EPB41L4B: variants seen among roughly 807,000 people sequenced by gnomAD.
EPB41L4B encodes erythrocyte membrane protein band 4.1 like 4B.
Under a neutral mutation model 112.5 loss-of-function variants are expected in EPB41L4B, and 30 were observed. The ratio of observed to expected loss-of-function variants is 0.27; its 90% CI spans 0.20 to 0.36. The LOEUF (loss-of-function observed/expected upper bound fraction) is 0.36, where lower values mean the gene tolerates loss of function less well. Among genes scored for constraint, EPB41L4B ranks in the 10% least tolerant of loss-of-function variants. EPB41L4B has a pLI of 1.00. For synonymous variants in EPB41L4B, 408 were observed against 439.7 expected (o/e 0.93, Z 0.90); for missense variants, 1,024 against 1,133.3 (o/e 0.90, Z 1.38).
At position 109,296,845 on chromosome 9, in the gene EPB41L4B, C is replaced by T. The variant is rs1057396253; in HGVS notation, c.307-16924G>A. Among the ~76,000 whole-genome samples the T allele has an allele frequency of 4.1e-5, 6 of 144,900 alleles. No individual in the cohort carries two copies. In the Admixed American group the frequency reaches 4.2e-4, roughly 10 times the overall value. On this transcript the variant is annotated intron_variant, in intron 1 of 25. Coordinates refer to ENST00000374566, the MANE Select transcript of EPB41L4B (RefSeq NM_019114.5). ...TTGAGGCTGCAGTAAGCTATGATCA[C>T]ACCACTGCAGAACGAGGCCATGTCT...
At chr9:109,185,645 C>A in intron 22 of EPB41L4B, 40 bp from the exon 23 acceptor site, 1 of 1,485,590 alleles carries the variant, frequency 6.7e-7, no homozygotes, top group Non-Finnish European at 9.2e-7. Flanking sequence ...GAGGAGGTGG[C>A]AAGAGAAGGG....
chr9:109,181,832 G>A (rs1390301927), intron 24 of EPB41L4B, among the ~76,000 whole-genome samples: 3 of 152,070 alleles, frequency 2.0e-5, no homozygotes, highest in East Asian at 1.9e-4. Context: ...TAGCCAAAAG[G>A]TGAAAACAAT....
rs1166129076 is a variant in EPB41L4B, at chr9:109,188,963, G to A, written c.2301+3315C>T. Among the ~76,000 whole-genome samples, 6 of 152,264 alleles carry A rather than the reference G, an allele frequency of 3.9e-5. No individual in the cohort carries two copies. In the East Asian group the frequency reaches 7.7e-4, roughly 20 times the overall value. ...GCTAGCACGGTAGACTTGGAGTAGCGTGCAGGACTCCGCATTCTAGGGTGA... is the reference window on the plus strand; with the variant it reads ...GCTAGCACGGTAGACTTGGAGTAGCATGCAGGACTCCGCATTCTAGGGTGA... On this transcript the variant is annotated intron_variant, in intron 22 of 25. Transcript: ENST00000374566.
chr9:109,174,585 ATCT>A lies in EPB41L4B; in HGVS notation c.2669_2671del (p.Lys890del), dbSNP rs775265360. ...TTCGGTCATCAACAGTCTTTTCATCATCTTCTCTCTCTCCAGTTCCTGCCGGAG... is the reference window on the plus strand; with the variant it reads ...TTCGGTCATCAACAGTCTTTTCATCATCTCTCTCTCCAGTTCCTGCCGGAG... On this transcript the variant is annotated inframe_deletion, in exon 26 of 26. Transcript: ENST00000374566. The A allele has an allele frequency of 6.2e-7, 1 of 1,614,130 alleles. No homozygotes were observed. Among genetic ancestry groups the A allele is most frequent in the South Asian group, 1.1e-5 (1 of 91,072 alleles).
intron 24 of EPB41L4B, 75 bp from the exon 25 acceptor site, chr9:109,176,771 C>G: frequency 1.3e-6 from 2 of 1,525,486 alleles, no homozygotes; most frequent in Non-Finnish European, 1.8e-6. Flanking sequence ...GCTCCCTAAG[C>G]CTTACTCTAC....
chr9:109,226,625 TATATGAAGAATATATATATATATGAAGA>T (rs1833768564), intron 15 of EPB41L4B, among the ~76,000 whole-genome samples: 1 of 109,830 alleles, frequency 9.1e-6, no homozygotes, highest in African/African-American at 3.6e-5. Context: ...TATATATATA[TATATGAAGAATATATATATATATGAAGA>T]ATATATATAT....
chr9:109,285,825 T>C (rs1836253184), intron 1 of EPB41L4B, among the ~76,000 whole-genome samples: 1 of 152,146 alleles, frequency 6.6e-6, no homozygotes, highest in Admixed American at 6.5e-5. Flanking sequence ...CAAACTGTCA[T>C]TTCAGGCTTA....
At chr9:109,289,088 T>TA (rs1177615148) in intron 1 of EPB41L4B, among the ~76,000 whole-genome samples, 1 of 152,108 alleles carries the variant, frequency 6.6e-6, no homozygotes, top group East Asian at 1.9e-4. Flanking sequence ...GCCCTTGTCT[T>TA]AGTCACTTCT....
intron 15 of EPB41L4B, among the ~76,000 whole-genome samples, chr9:109,219,512 C>T (rs1347567990): frequency 6.6e-6 from 1 of 152,104 alleles, no homozygotes; most frequent in Non-Finnish European, 1.5e-5. Context: ...ATGCACCTGC[C>T]ACCACTCCTG....
At position 109,267,526 on chromosome 9, in the gene EPB41L4B, A is replaced by T. The variant is rs1835452165; in HGVS notation, c.480T>A (p.Phe160Leu). Residue 160 changes from phenylalanine (F) to leucine (L), a missense_variant, in exon 4 of 26, where the codon TTT (phenylalanine) becomes TTA (leucine). Physicochemically the swap from Phe to Leu is conservative, Grantham distance 22. Coordinates refer to ENST00000374566, the MANE Select transcript of EPB41L4B (RefSeq NM_019114.5). The part of the protein sequence containing the change: ...MKIGPAYALH[F>L]RVKYYSSEPN... ...GTTCTGAAGAATAGTATTTAACTCG[A>T]AAGTGTAAAGCATAAGCAGGTCCAA... The T allele has an allele frequency of 1.9e-6, 3 of 1,613,252 alleles. No homozygotes were observed. The African/African-American group carries it at 4.0e-5, about 22-fold the overall frequency.
At chr9:109,309,965 T>A (rs1160962000) in intron 1 of EPB41L4B, among the ~76,000 whole-genome samples, 1 of 152,108 alleles carries the variant, frequency 6.6e-6, no homozygotes, top group East Asian at 1.9e-4. Flanking sequence ...TGGAAAACAA[T>A]TTTGTATGAT....
chr9:109,218,461 AC>A (rs1833464483), intron 15 of EPB41L4B, among the ~76,000 whole-genome samples: 1 of 151,852 alleles, frequency 6.6e-6, no homozygotes, highest in African/African-American at 2.4e-5. Context: ...TAAGACAGAA[AC>A]CCCTTTGAAA....
intron 2 of EPB41L4B, among the ~76,000 whole-genome samples, chr9:109,271,490 C>T (rs187575245): frequency 6.6e-6 from 1 of 152,324 alleles, no homozygotes; most frequent in East Asian, 1.9e-4. Context: ...TCAAAATGAT[C>T]TGACTTTCTT....
chr9:109,312,986 A>G (rs1588240786), intron 1 of EPB41L4B, among the ~76,000 whole-genome samples: 1 of 152,128 alleles, frequency 6.6e-6, no homozygotes, highest in East Asian at 1.9e-4. Context: ...CACACGTGTA[A>G]TCCCAGAGCT....
rs1477062602 is a variant in EPB41L4B, at chr9:109,217,070, C to A, written c.1485G>T (p.Pro495=). ...PFGIEENGGT[P]FLTAASGRHH... is the part of the protein sequence containing the mutation. ...GCCTTCCTGAAGCTGCGGTGAGGAACGGTGTGCCCCCATTCTCCTCAATGC... is the reference window on the plus strand; with the variant it reads ...GCCTTCCTGAAGCTGCGGTGAGGAAAGGTGTGCCCCCATTCTCCTCAATGC... Residue 495 remains proline (P), a synonymous_variant, in exon 16 of 26, where the codon CCG becomes CCT. Transcript: ENST00000374566. 6.2e-7 allele frequency: 1 copy of A among 1,614,176 alleles called. No homozygotes were observed.
chr9:109,243,650 C>A lies in EPB41L4B; in HGVS notation c.1377G>T (p.Gln459His). Reference sequence around the variant, plus strand: ...TTGGAGAGTGAGGATGCCACCGGGGCTGGCTGGGATGGATATTAGGATGAT... The same window carrying A: ...TTGGAGAGTGAGGATGCCACCGGGGATGGCTGGGATGGATATTAGGATGAT... ...PQYHPNIHPS[Q>H]PRWHPHSPNV... The change falls in exon 15 of 26, where the codon CAG (glutamine) becomes CAT (histidine). Residue 459 changes from glutamine (Q) to histidine (H), a missense_variant. By Grantham distance (24) the Gln-to-His change is conservative (BLOSUM62 0). Coordinates refer to ENST00000374566, the MANE Select transcript of EPB41L4B (RefSeq NM_019114.5). The A allele has an allele frequency of 1.2e-6, 2 of 1,614,198 alleles. No individual in the cohort carries two copies. The highest frequency in any genetic ancestry group is 1.1e-5 in the South Asian group (1 of 91,076).
chr9:109,261,526 T>C (rs927310167), intron 6 of EPB41L4B, among the ~76,000 whole-genome samples: 2 of 152,084 alleles, frequency 1.3e-5, no homozygotes, highest in East Asian at 1.9e-4. Flanking sequence ...GACTGAAGAA[T>C]AGAAGTTTCA....
At chr9:109,258,888 G>A (rs1161439132) in intron 6 of EPB41L4B, among the ~76,000 whole-genome samples, 1 of 152,066 alleles carries the variant, frequency 6.6e-6, no homozygotes, top group Non-Finnish European at 1.5e-5. Context: ...AAAGGAGGGA[G>A]GAGCAGCCAC....
chr9:109,296,250 A>C (rs1355332664), intron 1 of EPB41L4B, among the ~76,000 whole-genome samples: 2 of 152,222 alleles, frequency 1.3e-5, no homozygotes, highest in Non-Finnish European at 2.9e-5. Flanking sequence ...GCTATCTCGC[A>C]CATGACGCTT....
Sources: allele counts gnomAD v4.1 joint callset (sites outside exome capture counted in the v4.1 genomes callset), GRCh38; gene constraint gnomAD v4.1.1; transcripts MANE v1.5; gene names NCBI Gene and HGNC (gene_info 2026-07-23, HGNC 2026-07-21).